MPZL3: variants seen among roughly 807,000 people sequenced by gnomAD.
The protein encoded by MPZL3 is myelin protein zero-like protein 3.
Under a neutral mutation model 24.8 loss-of-function variants are expected in MPZL3, and 23 were observed. The ratio of observed to expected loss-of-function variants is 0.93; its 90% confidence interval spans 0.67 to 1.31. The LOEUF (loss-of-function observed/expected upper bound fraction) is 1.31, where lower values mean the gene tolerates loss of function less well. MPZL3 is among the 40% of genes most tolerant of loss of function. The pLI is 0.00. For missense variants in MPZL3, 277 were observed against 294.9 expected (o/e 0.94, Z 0.44); for synonymous variants, 99 against 106.5 (o/e 0.93, Z 0.44).
At chr11:118,237,958 GA>G (rs1194343190) in intron 2 of MPZL3, among the ~76,000 whole-genome samples, 2 of 152,066 alleles carry the variant, frequency 1.3e-5, no homozygotes, top group African/African-American at 4.8e-5. Context: ...CCAACATAGT[GA>G]AACCCCATCT....
intron 1 of MPZL3, among the ~76,000 whole-genome samples, chr11:118,250,277 G>A (rs936338111): frequency 2.1e-5 from 3 of 146,264 alleles, no homozygotes; most frequent in African/African-American, 7.6e-5. Flanking sequence ...CACCCACCTC[G>A]GCCTCCCAAA....
intron 1 of MPZL3, among the ~76,000 whole-genome samples, chr11:118,242,434 T>C (rs1373190501): frequency 1.3e-5 from 2 of 152,236 alleles, no homozygotes; most frequent in African/African-American, 2.4e-5. Flanking sequence ...ACCACACATA[T>C]TCAAAAACTT....
chr11:118,236,389 GAGA>G (rs1949426650), intron 3 of MPZL3, among the ~76,000 whole-genome samples: 1 of 152,076 alleles, frequency 6.6e-6, no homozygotes, highest in Non-Finnish European at 1.5e-5. Flanking sequence ...AAGGGAGGGA[GAGA>G]AGGAGGAAAA....
chr11:118,242,671 C>T (rs1242003774), intron 1 of MPZL3, among the ~76,000 whole-genome samples: 1 of 152,210 alleles, frequency 6.6e-6, no homozygotes, highest in Non-Finnish European at 1.5e-5. Context: ...GGTTGTTCCC[C>T]ACCACACCAT....
intron 1 of MPZL3, 53 bp downstream of exon 1, chr11:118,252,169 A>G: frequency 6.3e-7 from 1 of 1,594,212 alleles, no homozygotes; most frequent in Non-Finnish European, 8.6e-7. Flanking sequence ...AAAAGCGACC[A>G]TCTTCCCTAA....
chr11:118,235,042 C>A (rs1406460233), intron 4 of MPZL3, among the ~76,000 whole-genome samples: 1 of 152,154 alleles, frequency 6.6e-6, no homozygotes, highest in East Asian at 1.9e-4. Flanking sequence ...TAAAGCCTCT[C>A]TCATTGCTCA....
At chr11:118,244,847 C>T (rs911634667) in intron 1 of MPZL3, among the ~76,000 whole-genome samples, 5 of 152,122 alleles carry the variant, frequency 3.3e-5, no homozygotes, top group East Asian at 1.9e-4. Context: ...GAGGCCGAGG[C>T]GGGTGGATCA....
At chr11:118,236,608 C>T (rs1949428807) in intron 3 of MPZL3, among the ~76,000 whole-genome samples, 1 of 152,140 alleles carries the variant, frequency 6.6e-6, no homozygotes, top group African/African-American at 2.4e-5. Flanking sequence ...CTGTTCTTTG[C>T]AGCATAAAAG....
At chr11:118,237,915 T>C (rs550832782) in intron 2 of MPZL3, among the ~76,000 whole-genome samples, 3 of 152,226 alleles carry the variant, frequency 2.0e-5, no homozygotes, top group Admixed American at 6.5e-5. Context: ...GGTGAGCACA[T>C]TACTTGAACT....
intron 2 of MPZL3, among the ~76,000 whole-genome samples, chr11:118,237,841 T>C (rs1949446259): frequency 6.6e-6 from 1 of 152,050 alleles, no homozygotes; most frequent in Admixed American, 6.6e-5. Flanking sequence ...TCCAAATGTA[T>C]AAAAAGGGAA....
At chr11:118,232,661 A>G (rs756410526) in intron 5 of MPZL3, among the ~76,000 whole-genome samples, 52 of 152,174 alleles carry the variant, frequency 3.4e-4, no homozygotes, top group Non-Finnish European at 5.1e-4. Flanking sequence ...CGAGCCTCCA[A>G]AGGTTGGTAT....
At chr11:118,244,911 C>T (rs994554098) in intron 1 of MPZL3, among the ~76,000 whole-genome samples, 19 of 152,050 alleles carry the variant, frequency 1.2e-4, no homozygotes, top group African/African-American at 3.4e-4. Flanking sequence ...CCCGTCTCTA[C>T]TAAAAATACA....
At chr11:118,240,783 A>ACACACACACACACACTCT (rs1418485892) in intron 1 of MPZL3, among the ~76,000 whole-genome samples, 6 of 140,436 alleles carry the variant, frequency 4.3e-5, no homozygotes, top group Admixed American at 1.4e-4. Context: ...ACACACACAC[A>ACACACACACACACACTCT]CTCTGGGAAT....
intron 2 of MPZL3, 134 bp downstream of exon 2, chr11:118,240,077 T>C: frequency 2.4e-6 from 2 of 829,772 alleles, no homozygotes; most frequent in Non-Finnish European, 3.5e-6. Context: ...AGGATAAAAG[T>C]TCATCTATCT....
At chr11:118,248,836 A>G (rs1161380966) in intron 1 of MPZL3, among the ~76,000 whole-genome samples, 1 of 152,186 alleles carries the variant, frequency 6.6e-6, no homozygotes, top group Non-Finnish European at 1.5e-5. Flanking sequence ...ATGGAATAAA[A>G]CCAACTTTAT....
Position 118,228,513 on chromosome 11 carries a change from T to C in MPZL3, c.*1381A>G, listed in dbSNP as rs889131575. On this transcript the variant is annotated 3_prime_UTR_variant, in exon 6 of 6. Coordinates refer to ENST00000278949, the MANE Select transcript of MPZL3 (RefSeq NM_198275.3). The stretch of plus-strand genomic sequence containing the variant: ...TGGCTTATAAAAAATCCTATGTAAA[T>C]TAACATTTGAAACAAGTTGTCATAG... 6.6e-6 allele frequency: 1 copy of C among 152,226 alleles called. No homozygotes were observed. The highest frequency in any genetic ancestry group is 2.4e-5 in the African/African-American group (1 of 41,458). The allele number at this position is 152,226 out of a possible 1,614,324, so 9.4% of individuals were successfully genotyped here. A position where few individuals can be genotyped will look rare whatever the true frequency, so the allele number is the denominator to read the frequency against.
At position 118,240,801 on chromosome 11, in the gene MPZL3, C is replaced by T. The variant is rs565542463; in HGVS notation, c.74-424G>A. 4.7e-5 allele frequency among the ~76,000 whole-genome samples: 7 copies of T among 148,966 alleles called. No individual in the cohort carries two copies. The South Asian group carries it at 1.5e-3, about 31-fold the overall frequency. On this transcript the variant is annotated intron_variant, in intron 1 of 5. Coordinates refer to ENST00000278949, the MANE Select transcript of MPZL3 (RefSeq NM_198275.3). ...CACACACACTCTGGGAATATGGCAG[C>T]TTTTGTGGTCTAAGGGACTTACCCC...
intron 1 of MPZL3, among the ~76,000 whole-genome samples, chr11:118,248,889 G>C (rs1361062526): frequency 6.6e-6 from 1 of 152,108 alleles, no homozygotes; most frequent in Non-Finnish European, 1.5e-5. Context: ...AACTTTATAA[G>C]TGGGCTATTG....
intron 5 of MPZL3, among the ~76,000 whole-genome samples, chr11:118,233,157 A>T (rs747732862): frequency 6.6e-6 from 1 of 152,174 alleles, no homozygotes; most frequent in Non-Finnish European, 1.5e-5. Context: ...TCCTAGTATG[A>T]ATTCAGTGGC....
Sources: allele counts gnomAD v4.1 joint callset (sites outside exome capture counted in the v4.1 genomes callset), GRCh38; gene constraint gnomAD v4.1.1; transcripts MANE v1.5; gene names NCBI Gene and HGNC (gene_info 2026-07-23, HGNC 2026-07-21).